The following OAF variants were observed in gnomAD, a reference collection of about 807,000 sequenced individuals.
OAF encodes the protein out at first homolog, also known as out at first protein homolog.
A neutral mutation model predicts 22.5 loss-of-function variants in OAF; 13 were observed. The ratio of observed to expected loss-of-function variants is 0.58; its 90% CI spans 0.38 to 0.92. OAF has a LOEUF of 0.92. Among genes scored for constraint, OAF ranks in the 40% least tolerant of loss-of-function variants. The pLI is 0.00. For missense variants in OAF, 347 were observed against 381.8 expected (o/e 0.91, Z 0.76); for synonymous variants, 175 against 170.5 (o/e 1.03, Z -0.21).
chr11:120,214,063 G>A (rs1938182607), intron 1 of OAF: 1 of 152,132 alleles, frequency 6.6e-6, no homozygotes, highest in Non-Finnish European at 1.5e-5. Flanking sequence ...CACGCTTTTT[G>A]TGTTTCTTGT....
At position 120,229,980 on chromosome 11, in the gene OAF, T is replaced by C. The variant is rs974365540; in HGVS notation, c.*838T>C. The C allele has an allele frequency of 2.0e-5, 3 of 152,346 alleles. No homozygotes were observed. Among genetic ancestry groups the C allele is most frequent in the African/African-American group, 7.2e-5 (3 of 41,448 alleles). The allele number at this position is 152,346 out of a possible 1,614,324, so 9.4% of individuals were successfully genotyped here. A position where few individuals can be genotyped will look rare whatever the true frequency, so the allele number is the denominator to read the frequency against. On this transcript the variant is annotated 3_prime_UTR_variant, in exon 4 of 4. Coordinates refer to ENST00000328965, the MANE Select transcript of OAF (RefSeq NM_178507.4). ...GAGTTTGGAGAAAACTTTTGGCCAA[T>C]GCTGCCACCTGATGTCAGAAAGTGT...
Position 120,211,265 on chromosome 11 carries a change from C to G in OAF, c.-15C>G. 1 of 1,199,110 alleles carries G rather than the reference C, an allele frequency of 8.3e-7. No individual in the cohort carries two copies. The highest frequency in any genetic ancestry group is 1.6e-5 in the African/African-American group (1 of 62,928). 74.3% of individuals were successfully genotyped at this position (1,199,110 alleles called of 1,614,324 possible). Reference sequence around the variant, plus strand: ...CGCGGCGCGCCGGGGCCGCGGACGGCAGCGGCCCCCGGGGATGCGCCTTCC... The same window carrying G: ...CGCGGCGCGCCGGGGCCGCGGACGGGAGCGGCCCCCGGGGATGCGCCTTCC... On this transcript the variant is annotated 5_prime_UTR_variant, in exon 1 of 4. Coordinates refer to ENST00000328965, the MANE Select transcript of OAF (RefSeq NM_178507.4).
Position 120,211,358 on chromosome 11 carries a change from G to T in OAF, c.79G>T (p.Gly27Cys), listed in dbSNP as rs1211446065. Residue 27 changes from glycine (G) to cysteine (C), a missense_variant, in exon 1 of 4, where the codon GGT becomes TGT. Gly to Cys is a radical substitution (Grantham distance 159, BLOSUM62 -3). Coordinates refer to ENST00000328965, the MANE Select transcript of OAF (RefSeq NM_178507.4). Reference sequence around the variant, plus strand: ...GCTGCTCGCGCCGCTGCTGGGAACGGGTGCGCCGGCCGAGCTGCGGGTCCG... The same window carrying T: ...GCTGCTCGCGCCGCTGCTGGGAACGTGTGCGCCGGCCGAGCTGCGGGTCCG... ...LPLLAPLLGTGAPAELRVRVR... is the reference protein window; with the variant it reads ...LPLLAPLLGTCAPAELRVRVR... 1 of 1,447,184 alleles carries T rather than the reference G, an allele frequency of 6.9e-7. No homozygotes were observed. The highest frequency in any genetic ancestry group is 9.2e-7 in the Non-Finnish European group (1 of 1,091,912). The allele number at this position is 1,447,184 out of a possible 1,614,324, so 89.6% of individuals were successfully genotyped here. A position where few individuals can be genotyped will look rare whatever the true frequency, so the allele number is the denominator to read the frequency against.
Position 120,227,025 on chromosome 11 carries a change from G to T in OAF, c.547+29G>T, listed in dbSNP as rs1205927147. On this transcript the variant is annotated intron_variant, in intron 3 of 3. Coordinates refer to ENST00000328965, the MANE Select transcript of OAF (RefSeq NM_178507.4). ...AGCTGGGAGCTGGGCACTGCCCGCT[G>T]CTGGGCGGAGGGAAGGGGACAGGGA... 5.2e-6 allele frequency: 8 copies of T among 1,546,870 alleles called. No homozygotes were observed. In the Admixed American group the frequency reaches 1.4e-4, roughly 27 times the overall value.
At chr11:120,226,126 C>T (rs1938354397) in intron 2 of OAF, among the ~76,000 whole-genome samples, 1 of 152,208 alleles carries the variant, frequency 6.6e-6, no homozygotes, top group Admixed American at 6.5e-5. Flanking sequence ...CCATCTGGTT[C>T]CAGCACCTCC....
chr11:120,221,893 T>A (rs1176217265), intron 1 of OAF, among the ~76,000 whole-genome samples: 1 of 152,164 alleles, frequency 6.6e-6, no homozygotes, highest in East Asian at 1.9e-4. Flanking sequence ...TTGGGGACCC[T>A]ATCCTGGGTC....
At chr11:120,223,627 T>A (rs1194490404) in intron 1 of OAF, among the ~76,000 whole-genome samples, 4 of 152,220 alleles carry the variant, frequency 2.6e-5, no homozygotes, top group Non-Finnish European at 5.9e-5. Context: ...AATAGATTTC[T>A]TTCATCCTCT....
chr11:120,228,556 A>G (rs1938392173), intron 3 of OAF, among the ~76,000 whole-genome samples: 1 of 152,144 alleles, frequency 6.6e-6, no homozygotes, highest in Non-Finnish European at 1.5e-5. Flanking sequence ...TCTCATCACT[A>G]AAACAGGGAT....
At chr11:120,220,678 C>T (rs1489803553) in intron 1 of OAF, among the ~76,000 whole-genome samples, 1 of 152,180 alleles carries the variant, frequency 6.6e-6, no homozygotes, top group East Asian at 1.9e-4. Context: ...GTGCCCTGCA[C>T]ACAAGGCACA....
chr11:120,222,679 C>T (rs148800378), intron 1 of OAF, among the ~76,000 whole-genome samples: 1,688 of 152,220 alleles, frequency 0.011, 23 homozygotes, highest in African/African-American at 0.038. Context: ...TTTGGGAGGC[C>T]GAGGCAGGCA....
chr11:120,211,416 A>G lies in OAF; in HGVS notation c.137A>G (p.Glu46Gly). 6.5e-7 allele frequency: 1 copy of G among 1,545,396 alleles called. No homozygotes were observed. The highest frequency in any genetic ancestry group is 1.4e-5 in the African/African-American group (1 of 70,672). Reference protein sequence around the residue: ...VRLPDGQVTEESLQADSDADS... With the variant: ...VRLPDGQVTEGSLQADSDADS... ...CTGCCGGACGGCCAGGTGACCGAGGAGAGCCTGCAGGCGGACAGCGACGCG... is the reference window on the plus strand; with the variant it reads ...CTGCCGGACGGCCAGGTGACCGAGGGGAGCCTGCAGGCGGACAGCGACGCG... Residue 46 changes from glutamate to glycine, a missense_variant, in exon 1 of 4, where the codon GAG becomes GGG. By Grantham distance (98) the Glu-to-Gly change is moderately conservative. Transcript: ENST00000328965.
intron 1 of OAF, chr11:120,213,716 C>G (rs1275860230): frequency 6.6e-6 from 1 of 152,152 alleles, no homozygotes; most frequent in African/African-American, 2.4e-5. Flanking sequence ...AGGCCCCATG[C>G]CTCATAGTGT....
chr11:120,219,366 C>T lies in OAF; in HGVS notation c.232-6295C>T, dbSNP rs556834195. On this transcript the variant is annotated intron_variant, in intron 1 of 3. Coordinates refer to ENST00000328965, the MANE Select transcript of OAF (RefSeq NM_178507.4). The stretch of plus-strand genomic sequence containing the variant: ...TGCATCAGTTGAGATTAGGCTCAGC[C>T]GTGAGCAACATAAACCCCCAGGAAC... Among the ~76,000 whole-genome samples the T allele has an allele frequency of 1.1e-4, 16 of 152,246 alleles. 1 individual carries two copies. In the South Asian group the frequency reaches 2.7e-3, roughly 26 times the overall value.
chr11:120,223,693 A>G (rs1219351193), intron 1 of OAF, among the ~76,000 whole-genome samples: 1 of 152,230 alleles, frequency 6.6e-6, no homozygotes, highest in East Asian at 1.9e-4. Context: ...AGGTGATGTC[A>G]CCAAGCAAAG....
chr11:120,222,687 G>A (rs1279397148), intron 1 of OAF, among the ~76,000 whole-genome samples: 6 of 152,234 alleles, frequency 3.9e-5, no homozygotes, highest in Non-Finnish European at 7.3e-5. Flanking sequence ...GCCGAGGCAG[G>A]CAGATCACAA....
intron 1 of OAF, chr11:120,213,914 T>G (rs1938180932): frequency 6.6e-6 from 1 of 152,046 alleles, no homozygotes; most frequent in Admixed American, 6.6e-5. Flanking sequence ...TACAAAAAAT[T>G]TAAAAATTAG....
At chr11:120,220,105 T>A (rs2135093494) in intron 1 of OAF, among the ~76,000 whole-genome samples, 1 of 152,222 alleles carries the variant, frequency 6.6e-6, no homozygotes, top group East Asian at 1.9e-4. Flanking sequence ...CAGAAGGTGC[T>A]CCATGAGGAC....
chr11:120,214,167 C>G (rs939913856), intron 1 of OAF, among the ~76,000 whole-genome samples: 36 of 152,268 alleles, frequency 2.4e-4, no homozygotes, highest in African/African-American at 8.2e-4. Flanking sequence ...ACAGTCCAGA[C>G]TGAATGAGAC....
rs1160683361 is a variant in OAF at position 120,211,381 on chromosome 11, C to A, written c.102C>A (p.Val34=). 2 of 1,462,776 alleles carry A rather than the reference C, an allele frequency of 1.4e-6. No homozygotes were observed. Among genetic ancestry groups the A allele is most frequent in the Non-Finnish European group, 9.1e-7 (1 of 1,097,390 alleles). The allele number at this position is 1,462,776 out of a possible 1,614,324, so 90.6% of individuals were successfully genotyped here. A position where few individuals can be genotyped will look rare whatever the true frequency, so the allele number is the denominator to read the frequency against. Residue 34 remains valine, a synonymous_variant, in exon 1 of 4, where the codon GTC becomes GTA. Coordinates refer to ENST00000328965, the MANE Select transcript of OAF (RefSeq NM_178507.4). The stretch of plus-strand genomic sequence containing the variant: ...CGGGTGCGCCGGCCGAGCTGCGGGT[C>A]CGCGTGCGGCTGCCGGACGGCCAGG... The part of the protein sequence containing the change: ...LGTGAPAELR[V]RVRLPDGQVT...
Sources: allele counts gnomAD v4.1 joint callset (sites outside exome capture counted in the v4.1 genomes callset), GRCh38; gene constraint gnomAD v4.1.1; transcripts MANE v1.5; gene names NCBI Gene and HGNC (gene_info 2026-07-23, HGNC 2026-07-21).